GRIK2: variants seen among roughly 807,000 people sequenced by gnomAD.
The protein encoded by GRIK2 is glutamate receptor ionotropic, kainate 2.
A neutral mutation model predicts 100.3 loss-of-function variants in GRIK2; 32 were observed. The ratio of observed to expected loss-of-function variants is 0.32; its 90% CI spans 0.24 to 0.43. GRIK2 has a LOEUF of 0.43. Ranked by LOEUF, GRIK2 falls within the 20% of genes least tolerant of loss-of-function variation. The pLI is 1.00. For missense variants in GRIK2, 843 were observed against 1,114.9 expected (o/e 0.76, Z 3.47); for synonymous variants, 417 against 389.4 (o/e 1.07, Z -0.83).
intron 7 of GRIK2, among the ~76,000 whole-genome samples, chr6:101,689,470 A>T (rs1771937797): frequency 6.6e-6 from 1 of 152,118 alleles, no homozygotes; most frequent in Non-Finnish European, 1.5e-5. Context: ...TTGAGTTAGG[A>T]TTTTAATTGG....
chr6:101,970,872 G>C (rs1382017184), intron 14 of GRIK2, among the ~76,000 whole-genome samples: 1 of 150,672 alleles, frequency 6.6e-6, no homozygotes, highest in East Asian at 1.9e-4. Flanking sequence ...TTTTGCAGAA[G>C]TGAAGGCAAA....
chr6:102,042,000 C>A (rs1407620370), intron 15 of GRIK2, among the ~76,000 whole-genome samples: 2 of 151,452 alleles, frequency 1.3e-5, no homozygotes, highest in Non-Finnish European at 3.0e-5. Flanking sequence ...TGGGATTTTA[C>A]CATCAGCCAA....
chr6:101,927,073 G>GT (rs201423700), intron 13 of GRIK2, among the ~76,000 whole-genome samples: 44 of 151,158 alleles, frequency 2.9e-4, no homozygotes, highest in Admixed American at 1.5e-3. Flanking sequence ...GTACTTTTCT[G>GT]TTTTTTTTTC....
At chr6:101,908,931 G>A (rs190799826) in intron 12 of GRIK2, among the ~76,000 whole-genome samples, 92 of 151,314 alleles carry the variant, frequency 6.1e-4, no homozygotes, top group African/African-American at 2.1e-3. Context: ...CTGAGTGGTT[G>A]AAAGACATAC....
chr6:101,570,213 A>G (rs1777466438), intron 2 of GRIK2, among the ~76,000 whole-genome samples: 1 of 152,074 alleles, frequency 6.6e-6, no homozygotes, highest in Non-Finnish European at 1.5e-5. Context: ...TTACCGCTAC[A>G]AAATTTACTT....
At position 101,680,860 on chromosome 6, in the gene GRIK2, C is replaced by T. The variant is rs114851108; in HGVS notation, c.724-1693C>T. On this transcript the variant is annotated intron_variant, in intron 5 of 16. Transcript: ENST00000369134. ...TTTTGCTTGAGATGAAATTTTAATC[C>T]GAATATTATTGGTTTATATAAGTAT... Among the ~76,000 whole-genome samples the T allele has an allele frequency of 5.1e-3, 772 of 151,892 alleles. 11 individuals carry two copies. Among genetic ancestry groups the T allele is most frequent in the African/African-American group, 0.018 (730 of 41,418 alleles).
intron 2 of GRIK2, among the ~76,000 whole-genome samples, chr6:101,494,099 G>A (rs925358922): frequency 1.3e-5 from 2 of 148,312 alleles, no homozygotes; most frequent in Non-Finnish European, 3.0e-5. Context: ...TATATACACA[G>A]CAGAAACAGT....
chr6:101,414,422 A>G (rs1011547422), intron 2 of GRIK2, among the ~76,000 whole-genome samples: 1 of 152,086 alleles, frequency 6.6e-6, no homozygotes, highest in African/African-American at 2.4e-5. Context: ...AACTAGTCCA[A>G]ATTATTTTAA....
chr6:101,922,646 G>T (rs768728907), intron 12 of GRIK2, among the ~76,000 whole-genome samples: 1 of 152,062 alleles, frequency 6.6e-6, no homozygotes, highest in African/African-American at 2.4e-5. Context: ...TTTAGAATAC[G>T]CTTATGGGTT....
In GRIK2 at chr6:101,976,595, G is replaced by A. The variant is rs537907164; in HGVS notation, c.2085+47963G>A. ...CCAGCTATTTGGGAGGCTGAGGCAG[G>A]ATGATTGATTGAGCCCAGGAGTTTG... On this transcript the variant is annotated intron_variant, in intron 14 of 16. Coordinates refer to ENST00000369134, the MANE Select transcript of GRIK2 (RefSeq NM_021956.5). Among the ~76,000 whole-genome samples the A allele has an allele frequency of 2.6e-5, 4 of 151,978 alleles. No individual in the cohort carries two copies. In the South Asian group the frequency reaches 8.3e-4, roughly 32 times the overall value.
intron 7 of GRIK2, among the ~76,000 whole-genome samples, chr6:101,749,053 C>A (rs986046573): frequency 6.6e-6 from 1 of 152,070 alleles, no homozygotes; most frequent in African/African-American, 2.4e-5. Context: ...AATAAGAAAA[C>A]AAATTTATGT....
At position 101,442,646 on chromosome 6, in the gene GRIK2, T is replaced by G. The variant is rs1158397904; in HGVS notation, c.115+43254T>G. On this transcript the variant is annotated intron_variant, in intron 2 of 16. Coordinates refer to ENST00000369134, the MANE Select transcript of GRIK2 (RefSeq NM_021956.5). The stretch of plus-strand genomic sequence containing the variant: ...TGGAGAACCACTTTGAACCTAGACA[T>G]GGAGTTGGCAAACTTTTTCTGTGAA... Among the ~76,000 whole-genome samples the G allele has an allele frequency of 2.6e-5, 4 of 152,242 alleles. No homozygotes were observed. In the East Asian group the frequency reaches 7.7e-4, roughly 29 times the overall value.
chr6:101,475,986 C>G (rs1772208242), intron 2 of GRIK2, among the ~76,000 whole-genome samples: 1 of 151,990 alleles, frequency 6.6e-6, no homozygotes, highest in Non-Finnish European at 1.5e-5. Context: ...TATGCTTAAT[C>G]TGGGAAAATT....
intron 14 of GRIK2, among the ~76,000 whole-genome samples, chr6:102,003,507 T>C (rs1390609559): frequency 1.3e-5 from 2 of 151,968 alleles, no homozygotes; most frequent in East Asian, 3.9e-4. Context: ...TTATTTATGT[T>C]GATGGCATTA....
intron 10 of GRIK2, among the ~76,000 whole-genome samples, chr6:101,857,182 A>G (rs374094260): frequency 1.4e-4 from 21 of 152,164 alleles, no homozygotes; most frequent in African/African-American, 4.6e-4. Flanking sequence ...TCTGTCTCCA[A>G]GGGATGTGGA....
At chr6:101,592,588 C>CATATATATATATATATATATATATAT (rs3056161) in intron 2 of GRIK2, among the ~76,000 whole-genome samples, 85 of 101,898 alleles carry the variant, frequency 8.3e-4, no homozygotes, top group South Asian at 1.0e-3. Context: ...ACTAATATCA[C>CATATATATATATATATATATATATAT]ATATATATAT....
intron 2 of GRIK2, among the ~76,000 whole-genome samples, chr6:101,547,756 T>C (rs1177312961): frequency 6.6e-6 from 1 of 151,758 alleles, no homozygotes; most frequent in African/African-American, 2.4e-5. Context: ...TCTTTGCTCT[T>C]GTGAATAGTG....
Position 101,507,924 on chromosome 6 carries a change from A to G in GRIK2, c.115+108532A>G, listed in dbSNP as rs140398309. On this transcript the variant is annotated intron_variant, in intron 2 of 16. Coordinates refer to ENST00000369134, the MANE Select transcript of GRIK2 (RefSeq NM_021956.5). Reference sequence around the variant, plus strand: ...TATTTCATAGCTTACATAAACATTTATTTTGGATGCATCAAATACTATATA... The same window carrying G: ...TATTTCATAGCTTACATAAACATTTGTTTTGGATGCATCAAATACTATATA... Among the ~76,000 whole-genome samples the G allele has an allele frequency of 4.7e-4, 71 of 152,276 alleles. No homozygotes were observed. In the East Asian group the frequency reaches 0.013, roughly 28 times the overall value.
intron 7 of GRIK2, among the ~76,000 whole-genome samples, chr6:101,700,690 G>A (rs1041199773): frequency 6.6e-6 from 1 of 151,948 alleles, no homozygotes; most frequent in Admixed American, 6.6e-5. Flanking sequence ...AAGGCTGAGC[G>A]TTTAAGATCA....
Sources: gnomAD v4.1 joint callset for allele counts (sites outside exome capture counted in the v4.1 genomes callset) on GRCh38, gnomAD v4.1.1 for gene constraint, MANE v1.5 for transcripts, NCBI Gene and HGNC (gene_info 2026-07-23, HGNC 2026-07-21) for gene names.